NREP: variants seen among roughly 807,000 people sequenced by gnomAD.
The protein encoded by NREP is neuronal regeneration related protein.
Under a neutral mutation model 8.6 loss-of-function variants are expected in NREP, and 5 were observed. The observed-to-expected ratio is 0.58, with a 90% confidence interval of 0.30 to 1.22. NREP has a LOEUF of 1.22. Among genes scored for constraint, NREP ranks in the 50% most tolerant of loss-of-function variants. NREP has a pLI of 0.07. For missense variants in NREP, 86 were observed against 82.5 expected, an observed-to-expected ratio of 1.04 and a Z score of -0.17; for synonymous variants, 27 against 28.0, an observed-to-expected ratio of 0.96 and a Z score of 0.11.
rs1561692146 is a variant in NREP at position 111,847,808 on chromosome 5, C to A, written c.136-112301G>T. ...TACAAGACACACAGTTAACTATATA[C>A]AAATATAATTCAAAGTTTTTATTCA... On this transcript the variant is annotated intron_variant, in intron 2 of 3. Coordinates refer to the NREP transcript ENST00000395634. 2.0e-5 allele frequency among the ~76,000 whole-genome samples: 3 copies of A among 152,258 alleles called. No individual in the cohort carries two copies. In the East Asian group the frequency reaches 5.8e-4, roughly 29 times the overall value.
At chr5:111,760,338 G>A (rs1210306328), upstream of NREP, among the ~76,000 whole-genome samples, 2 of 152,220 alleles carry the variant, frequency 1.3e-5, no homozygotes, top group South Asian at 2.1e-4. Flanking sequence ...ATCTCCTGAG[G>A]TGGAAAGAGG....
chr5:111,846,007 G>A (rs571928487), intron 2 of NREP: 1 of 153,726 alleles, frequency 6.5e-6, no homozygotes, highest in East Asian at 1.9e-4. Flanking sequence ...AGAATATTAA[G>A]CTGCTACCCA....
intron 2 of NREP, among the ~76,000 whole-genome samples, chr5:111,831,908 C>G (rs1752777591): frequency 6.6e-6 from 1 of 152,066 alleles, no homozygotes; most frequent in East Asian, 1.9e-4. Context: ...GGTTGACATC[C>G]CCCACAAGAT....
intron 2 of NREP, among the ~76,000 whole-genome samples, chr5:111,942,356 C>T (rs972189616): frequency 6.6e-6 from 1 of 152,016 alleles, no homozygotes; most frequent in Non-Finnish European, 1.5e-5. Context: ...AAGTGAAAGT[C>T]ATGGTCACAT....
intron 2 of NREP, among the ~76,000 whole-genome samples, chr5:111,812,714 G>C (rs1716074470): frequency 6.6e-6 from 1 of 151,990 alleles, no homozygotes; most frequent in Admixed American, 6.6e-5. Context: ...ACTCAAAGAT[G>C]CCATTTCTAT....
intron 2 of NREP, among the ~76,000 whole-genome samples, chr5:111,915,578 A>G (rs541354671): frequency 6.6e-6 from 1 of 152,088 alleles, no homozygotes; most frequent in African/African-American, 2.4e-5. Context: ...CTCTTCTGCT[A>G]GGAAATATGA....
At chr5:111,971,872 C>G (rs1437578979) in intron 2 of NREP, among the ~76,000 whole-genome samples, 1 of 148,770 alleles carries the variant, frequency 6.7e-6, no homozygotes, top group Non-Finnish European at 1.5e-5. Context: ...CGTGGGCAGC[C>G]AAAGCAAAAA....
At chr5:111,824,356 G>A (rs921564092) in intron 2 of NREP, among the ~76,000 whole-genome samples, 25 of 152,146 alleles carry the variant, frequency 1.6e-4, no homozygotes, top group African/African-American at 4.1e-4. Context: ...ACGACAGAGC[G>A]AGACTCCGTC....
chr5:111,907,009 ATC>A (rs1248832067), intron 2 of NREP, among the ~76,000 whole-genome samples: 7 of 152,014 alleles, frequency 4.6e-5, no homozygotes, highest in Middle Eastern at 3.2e-3. Flanking sequence ...TCTTCAAGCA[ATC>A]CTCCTGCCTA....
chr5:111,756,673 A>C (rs1056244346), intron 1 of NREP, among the ~76,000 whole-genome samples: 9 of 152,212 alleles, frequency 5.9e-5, no homozygotes, highest in Non-Finnish European at 1.0e-4. Flanking sequence ...GTGCTGCAAG[A>C]TCGAATGCCT....
intron 3 of NREP, 37 bp from the exon 4 acceptor site, chr5:111,731,083 C>A: frequency 6.3e-7 from 1 of 1,596,792 alleles, no homozygotes; most frequent in Non-Finnish European, 8.5e-7. Flanking sequence ...GACAGACACA[C>A]ATAAAAGACA....
intron 2 of NREP, among the ~76,000 whole-genome samples, chr5:111,936,153 G>T (rs748853659): frequency 2.0e-5 from 3 of 152,108 alleles, no homozygotes; most frequent in Admixed American, 1.3e-4. Flanking sequence ...TTAAGGGCAT[G>T]ATATGGTTCG....
At chr5:111,914,872 A>G (rs749446637) in intron 2 of NREP, among the ~76,000 whole-genome samples, 1 of 152,136 alleles carries the variant, frequency 6.6e-6, no homozygotes, top group Non-Finnish European at 1.5e-5. Context: ...TGAACTTAGG[A>G]ATGTGCCCAA....
chr5:111,850,964 T>C (rs974084403), intron 2 of NREP, among the ~76,000 whole-genome samples: 3 of 152,176 alleles, frequency 2.0e-5, no homozygotes, highest in African/African-American at 4.8e-5. Flanking sequence ...AATAGTGGCA[T>C]GTAAGAAATA....
At chr5:111,905,773 G>A (rs1361044876) in intron 2 of NREP, among the ~76,000 whole-genome samples, 1 of 152,030 alleles carries the variant, frequency 6.6e-6, no homozygotes, top group East Asian at 1.9e-4. Context: ...ATTAATACAT[G>A]CAGAGTATTT....
At chr5:111,842,478 C>T (rs529417276) in intron 2 of NREP, among the ~76,000 whole-genome samples, 1 of 152,232 alleles carries the variant, frequency 6.6e-6, no homozygotes, top group Non-Finnish European at 1.5e-5. Flanking sequence ...CAGAACTCTA[C>T]ATTTCAACTT....
At chr5:111,809,506 T>C (rs1170068338) in intron 2 of NREP, among the ~76,000 whole-genome samples, 2 of 152,024 alleles carry the variant, frequency 1.3e-5, no homozygotes, top group Non-Finnish European at 2.9e-5. Context: ...TTCCCAGTAG[T>C]GAGAGAGTTC....
intron 2 of NREP, among the ~76,000 whole-genome samples, chr5:111,777,557 G>A (rs1751394329): frequency 6.6e-6 from 1 of 152,098 alleles, no homozygotes; most frequent in African/African-American, 2.4e-5. Context: ...GAGACATCTA[G>A]GAGTAAATAC....
intron 2 of NREP, among the ~76,000 whole-genome samples, chr5:111,806,023 A>G (rs1752133214): frequency 6.6e-6 from 1 of 152,196 alleles, no homozygotes; most frequent in Admixed American, 6.5e-5. Context: ...TAAAAATATA[A>G]TTTTTATTTG....
Sources: gnomAD v4.1 joint callset for allele counts (sites outside exome capture counted in the v4.1 genomes callset) on GRCh38, gnomAD v4.1.1 for gene constraint, MANE v1.5 for transcripts, NCBI Gene and HGNC (gene_info 2026-07-23, HGNC 2026-07-21) for gene names.